The following CDH6 variants were observed in gnomAD, a reference collection of about 807,000 sequenced individuals.
CDH6 encodes the protein cadherin-6.
A neutral mutation model predicts 78.0 loss-of-function variants in CDH6; 31 were observed. That is an observed-to-expected ratio of 0.40 (90% confidence interval 0.30 to 0.54). The LOEUF is 0.54. Ranked by LOEUF, CDH6 falls within the 20% of genes least tolerant of loss-of-function variation. The pLI, the probability that CDH6 is intolerant of heterozygous loss-of-function variation, is 0.56. For missense variants in CDH6, 724 were observed against 975.9 expected (o/e 0.74, Z 3.44); for synonymous variants, 376 against 368.8 (o/e 1.02, Z -0.23).
At chr5:31,319,429 C>T (rs561105990) in intron 11 of CDH6, among the ~76,000 whole-genome samples, 10 of 152,328 alleles carry the variant, frequency 6.6e-5, no homozygotes, top group Admixed American at 6.5e-4. Flanking sequence ...GTGCAAGATG[C>T]TTTACAAAGG....
At chr5:31,221,226 T>G (rs1334494909) in intron 1 of CDH6, among the ~76,000 whole-genome samples, 1 of 152,198 alleles carries the variant, frequency 6.6e-6, no homozygotes, top group African/African-American at 2.4e-5. Flanking sequence ...TCCAGCTGAC[T>G]GCCAGAACCC....
intron 1 of CDH6, among the ~76,000 whole-genome samples, chr5:31,230,711 GTCC>G (rs1268801687): frequency 6.6e-6 from 1 of 152,094 alleles, no homozygotes; most frequent in African/African-American, 2.4e-5. Flanking sequence ...TCTTGATTGT[GTCC>G]TCAAGTAGAA....
chr5:31,313,171 A>C lies in CDH6; in HGVS notation c.1254-147A>C, dbSNP rs1738202573. 2.5e-5 allele frequency: 14 copies of C among 558,620 alleles called. No individual in the cohort carries two copies. The South Asian group carries it at 4.6e-4, about 18-fold the overall frequency. The allele number at this position is 558,620 out of a possible 1,614,324, so 34.6% of individuals were successfully genotyped here. On this transcript the variant is annotated intron_variant, in intron 7 of 11. Coordinates refer to ENST00000265071, the MANE Select transcript of CDH6 (RefSeq NM_004932.4). ...TATTTTACTTAATGTCAGGTTGTAG[A>C]TATTCAAATATGCACTAGAGATGGA...
rs62350373 is a variant in CDH6 at position 31,294,484 on chromosome 5, G to C, written c.523+228G>C. Among the ~76,000 whole-genome samples the C allele has an allele frequency of 0.089, 13,475 of 152,182 alleles. 716 individuals carry two copies. The highest frequency in any genetic ancestry group is 0.14 in the South Asian group (678 of 4,814). On this transcript the variant is annotated intron_variant, in intron 3 of 11. Transcript: ENST00000265071. This position sits in a 1 kb window ranked among gnomAD's most constrained non-coding sequence, Gnocchi z 4.1. Reference sequence around the variant, plus strand: ...CTAAAGAGGGTCTGAAAAGTGGCAGGGTGGGAGTGGGAGGTTGAAAGAGAG... The same window carrying C: ...CTAAAGAGGGTCTGAAAAGTGGCAGCGTGGGAGTGGGAGGTTGAAAGAGAG...
At chr5:31,315,793 C>T (rs1206965156) in intron 8 of CDH6, among the ~76,000 whole-genome samples, 1 of 152,222 alleles carries the variant, frequency 6.6e-6, no homozygotes, top group Non-Finnish European at 1.5e-5. Flanking sequence ...TGCTCTCGTT[C>T]AGCATTCAAA....
At chr5:31,273,201 G>A (rs1742579472) in intron 2 of CDH6, among the ~76,000 whole-genome samples, 1 of 152,144 alleles carries the variant, frequency 6.6e-6, no homozygotes, top group Admixed American at 6.5e-5. Flanking sequence ...CTTAAAAGAT[G>A]CCATCGTTGA....
chr5:31,271,226 G>A (rs10069226), intron 2 of CDH6, among the ~76,000 whole-genome samples: 4,377 of 152,228 alleles, frequency 0.029, 225 homozygotes, highest in African/African-American at 0.1. Context: ...ATAAGTCATC[G>A]TAGGATGGTG....
intron 1 of CDH6, among the ~76,000 whole-genome samples, chr5:31,215,641 C>T (rs1318474496): frequency 6.6e-6 from 1 of 151,958 alleles, no homozygotes; most frequent in African/African-American, 2.4e-5. Context: ...AGAGCTTTGC[C>T]ACAGGTATCC....
rs932088305 is a variant in CDH6, at chr5:31,323,923, G to T, written c.*615G>T. 2 of 228,540 alleles carry T rather than the reference G, an allele frequency of 8.8e-6. No individual in the cohort carries two copies. The highest frequency in any genetic ancestry group is 1.7e-5 in the Non-Finnish European group (2 of 115,300). The allele number at this position is 228,540 out of a possible 1,614,324, so 14.2% of individuals were successfully genotyped here. On this transcript the variant is annotated 3_prime_UTR_variant, in exon 12 of 12. Coordinates refer to ENST00000265071, the MANE Select transcript of CDH6 (RefSeq NM_004932.4). ...CTTAAGGAATAGAAGCAAATTAAAC[G>T]GTAACATCCAAAAGCAACCACAAAC...
intron 2 of CDH6, among the ~76,000 whole-genome samples, chr5:31,281,305 G>T (rs1742856924): frequency 6.6e-6 from 1 of 150,784 alleles, no homozygotes. Flanking sequence ...AAGAGAAAGA[G>T]AGAGAGAGGG....
intron 1 of CDH6, among the ~76,000 whole-genome samples, chr5:31,220,708 G>A (rs1740981888): frequency 6.6e-6 from 1 of 152,098 alleles, no homozygotes; most frequent in South Asian, 2.1e-4. Context: ...CACTGAGGGG[G>A]CATATTCTCT....
Position 31,294,256 on chromosome 5 carries a change from G to A in CDH6, c.523G>A (p.Gly175Ser). Reference sequence around the variant, plus strand: ...CACTGTCCCTGAAATGTCTGATGTCGGTGAGTGAGACGTGACTTCAGCCAA... The same window carrying A: ...CACTGTCCCTGAAATGTCTGATGTCAGTGAGTGAGACGTGACTTCAGCCAA... ...TATVPEMSDVGTFVVQVTATD... is the reference protein window; with the variant it reads ...TATVPEMSDVSTFVVQVTATD... The change falls in exon 3 of 12, where the codon GGT (glycine) becomes AGT (serine). Residue 175 changes from glycine (G) to serine (S), a missense_variant and splice_region_variant. Physicochemically the swap from Gly to Ser is moderately conservative, Grantham distance 56 (BLOSUM62 0). Coordinates refer to ENST00000265071, the MANE Select transcript of CDH6 (RefSeq NM_004932.4). This position sits in a 1 kb window ranked among gnomAD's most constrained non-coding sequence, Gnocchi z 4.1. 1.9e-6 allele frequency: 3 copies of A among 1,609,224 alleles called. No individual in the cohort carries two copies. The highest frequency in any genetic ancestry group is 2.2e-5 in the East Asian group (1 of 44,834).
intron 9 of CDH6, among the ~76,000 whole-genome samples, chr5:31,317,146 A>C (rs1414116891): frequency 2.0e-5 from 3 of 152,172 alleles, no homozygotes; most frequent in African/African-American, 7.2e-5. Flanking sequence ...GTGGCTGCTA[A>C]ACATCCTACA....
intron 2 of CDH6, among the ~76,000 whole-genome samples, chr5:31,282,879 A>G (rs536385226): frequency 1.3e-5 from 2 of 152,338 alleles, no homozygotes; most frequent in East Asian, 3.9e-4. Context: ...TGTAACAAAA[A>G]ACAAAAAATT....
At chr5:31,319,715 C>G (rs1297771738) in intron 11 of CDH6, among the ~76,000 whole-genome samples, 3 of 152,134 alleles carry the variant, frequency 2.0e-5, no homozygotes, top group African/African-American at 7.2e-5. Flanking sequence ...GAAAATGAAG[C>G]AAAGCCACAT....
Position 31,211,676 on chromosome 5 carries a change from A to C in CDH6, c.-129+17790A>C, listed in dbSNP as rs181391187. ...GGTTCTGGGGTTGTTTTTTTTCACA[A>C]ATGCATTTAGGTGGTTGTGATGTAT... is the stretch of plus-strand genomic sequence containing the variant. On this transcript the variant is annotated intron_variant, in intron 1 of 11. Coordinates refer to ENST00000265071, the MANE Select transcript of CDH6 (RefSeq NM_004932.4). Among the ~76,000 whole-genome samples the C allele has an allele frequency of 5.6e-4, 86 of 152,228 alleles. 1 individual carries two copies. The East Asian group carries it at 0.014, about 25-fold the overall frequency.
At chr5:31,308,442 A>T (rs1561069100) in intron 7 of CDH6, among the ~76,000 whole-genome samples, 1 of 151,938 alleles carries the variant, frequency 6.6e-6, no homozygotes, top group Non-Finnish European at 1.5e-5. Context: ...GAAAAAAAAA[A>T]AAAAGAGCTA....
At chr5:31,282,836 C>T (rs1742897999) in intron 2 of CDH6, among the ~76,000 whole-genome samples, 1 of 152,212 alleles carries the variant, frequency 6.6e-6, no homozygotes, top group African/African-American at 2.4e-5. Context: ...TTCTCCTCCA[C>T]ATGACACAAG....
intron 1 of CDH6, among the ~76,000 whole-genome samples, chr5:31,260,806 A>T (rs1742193293): frequency 6.6e-6 from 1 of 152,222 alleles, no homozygotes; most frequent in Non-Finnish European, 1.5e-5. Context: ...TTCATTACAC[A>T]CACGAAACGG....
Sources: gnomAD v4.1 joint callset for allele counts (sites outside exome capture counted in the v4.1 genomes callset) on GRCh38, gnomAD v4.1.1 for gene constraint, Gnocchi (gnomAD v3.1) non-coding constraint, MANE v1.5 for transcripts, NCBI Gene and HGNC (gene_info 2026-07-23, HGNC 2026-07-21) for gene names.